Variants in CELA3A observed in about 807,000 individuals in gnomAD.
The protein encoded by CELA3A is chymotrypsin-like elastase family member 3A.
Under a neutral mutation model 38.6 loss-of-function variants are expected in CELA3A, and 35 were observed. The ratio of observed to expected loss-of-function variants is 0.91; its 90% confidence interval spans 0.69 to 1.20. The LOEUF is 1.20. CELA3A is among the 50% of genes most tolerant of loss of function. CELA3A has a pLI of 0.00. For missense variants in CELA3A, 343 were observed against 354.2 expected, an observed-to-expected ratio of 0.97 and a Z score of 0.25; for synonymous variants, 143 against 136.7, an observed-to-expected ratio of 1.05 and a Z score of -0.32.
At chr1:22,004,695 T>C (rs1283908353) in intron 2 of CELA3A, among the ~76,000 whole-genome samples, 2 of 151,752 alleles carry the variant, frequency 1.3e-5, no homozygotes, top group Non-Finnish European at 2.9e-5. Context: ...CTGGTCTAGA[T>C]GGAGCTTTTG....
chr1:22,004,066 C>CT (rs1489895757), intron 2 of CELA3A, among the ~76,000 whole-genome samples: 1 of 114,846 alleles, frequency 8.7e-6, no homozygotes, highest in Non-Finnish European at 1.7e-5. Context: ...CTTTTCTTTT[C>CT]TTTTCTTTGT....
rs1229505586 is a variant in CELA3A at position 22,005,760 on chromosome 1, T to C, written c.326T>C (p.Val109Ala). 4 of 1,612,012 alleles carry C rather than the reference T, an allele frequency of 2.5e-6. No individual in the cohort carries two copies. The highest frequency in any genetic ancestry group is 3.4e-6 in the Non-Finnish European group (4 of 1,179,474). Residue 109 changes from valine (V) to alanine (A), a missense_variant, in exon 4 of 8, where the codon GTG becomes GCG. Transcript: ENST00000290122. ...CCCATCAACTCTGAGGAGCTGTTTG[T>C]GCATCCACTCTGGAACCGCTCGTGT... ...VIPINSEELFVHPLWNRSCVA... is the reference protein window; with the variant it reads ...VIPINSEELFAHPLWNRSCVA...
chr1:22,009,147 C>A (rs1235370683), intron 6 of CELA3A, among the ~76,000 whole-genome samples: 1 of 151,194 alleles, frequency 6.6e-6, no homozygotes, highest in Non-Finnish European at 1.5e-5. Flanking sequence ...GGGCGGATCA[C>A]GTGGTCAGGA....
Position 22,009,878 on chromosome 1 carries a change from C to T in CELA3A, c.795+21C>T, listed in dbSNP as rs3806297. ...AGGAGGTGAGGAGGGCAGGGCGGCC[C>T]GGAGGGCTTTAGGGTGGTGGCTCTT... On this transcript the variant is annotated intron_variant, in intron 7 of 7. Coordinates refer to ENST00000290122, the MANE Select transcript of CELA3A (RefSeq NM_005747.5). 1.7e-4 allele frequency: 274 copies of T among 1,588,780 alleles called. 1 individual carries two copies. In the African/African-American group the frequency reaches 3.5e-3, roughly 20 times the overall value.
intron 4 of CELA3A, chr1:22,006,000 C>A (rs1644947978): frequency 8.9e-6 from 7 of 782,128 alleles, no homozygotes; most frequent in Non-Finnish European, 1.2e-5. Context: ...ACCATCACCA[C>A]CAAACCTGTC....
At chr1:22,007,271 C>G (rs963287339) in intron 5 of CELA3A, 102 bp from the exon 6 acceptor site, 1 of 1,477,886 alleles carries the variant, frequency 6.8e-7, no homozygotes, top group Non-Finnish European at 9.1e-7. Flanking sequence ...GAGGAGAGTC[C>G]TCATCAGGGC....
intron 2 of CELA3A, among the ~76,000 whole-genome samples, chr1:22,003,755 A>G (rs1569865551): frequency 6.6e-6 from 1 of 150,788 alleles, no homozygotes; most frequent in Admixed American, 6.6e-5. Context: ...GCCCAGGCTG[A>G]AGTGCAATGG....
intron 7 of CELA3A, chr1:22,011,136 C>G (rs1352157941): frequency 6.6e-6 from 1 of 151,782 alleles, no homozygotes; most frequent in South Asian, 2.1e-4. Flanking sequence ...TCCCAGCACT[C>G]TGGGAGGCCA....
chr1:22,003,170 C>T lies in CELA3A; in HGVS notation c.129+82C>T. 5 of 1,286,682 alleles carry T rather than the reference C, an allele frequency of 3.9e-6. 1 individual carries two copies. Among genetic ancestry groups the T allele is most frequent in the Non-Finnish European group, 3.3e-6 (3 of 912,366 alleles). The allele number at this position is 1,286,682 out of a possible 1,614,324, so 79.7% of individuals were successfully genotyped here. On this transcript the variant is annotated intron_variant, in intron 2 of 7. Transcript: ENST00000290122. Reference sequence around the variant, plus strand: ...AATGGCGTGGCATCCAGCCTTGACACCATTGCTCCCTTTGCAATGTCCACT... The same window carrying T: ...AATGGCGTGGCATCCAGCCTTGACATCATTGCTCCCTTTGCAATGTCCACT...
rs1644961787 is a variant in CELA3A, at chr1:22,008,061, GGAGGATTGTTT to G, written c.642+550_642+560del. 5.3e-5 allele frequency among the ~76,000 whole-genome samples: 8 copies of G among 150,770 alleles called. No homozygotes were observed. In the South Asian group the frequency reaches 1.7e-3, roughly 31 times the overall value. On this transcript the variant is annotated intron_variant, in intron 6 of 7. Coordinates refer to ENST00000290122, the MANE Select transcript of CELA3A (RefSeq NM_005747.5). ...CCCAACTACTTGATAGGCTGAGGTG[GGAGGATTGTTT>G]GAGCCTGGGAGTTCAAGCTCACAGT...
chr1:22,006,041 A>C lies in CELA3A; in HGVS notation c.362+245A>C. The C allele has an allele frequency of 5.1e-6, 3 of 587,740 alleles. No individual in the cohort carries two copies. In the East Asian group the frequency reaches 9.3e-5, roughly 18 times the overall value. The allele number at this position is 587,740 out of a possible 1,614,324, so 36.4% of individuals were successfully genotyped here. On this transcript the variant is annotated intron_variant, in intron 4 of 7. Coordinates refer to ENST00000290122, the MANE Select transcript of CELA3A (RefSeq NM_005747.5). Reference sequence around the variant, plus strand: ...ACAGAGGGGATGGCAGTGTTCAGGGAGGGGCAGGAACTCTGCCAAGGCCAC... The same window carrying C: ...ACAGAGGGGATGGCAGTGTTCAGGGCGGGGCAGGAACTCTGCCAAGGCCAC...
chr1:22,007,461 C>T lies in CELA3A; in HGVS notation c.588C>T (p.Ser196=), dbSNP rs74062237. 0.017 allele frequency: 27,927 copies of T among 1,612,462 alleles called. 1,574 individuals are homozygous for T. Among genetic ancestry groups the T allele is most frequent in the African/African-American group, 0.13 (9,315 of 74,348 alleles). ...GCTCCAGGTGGAACTGGTGGGGTTCCACCGTGAAGAAAACCATGGTGTGTG... is the reference window on the plus strand; with the variant it reads ...GCTCCAGGTGGAACTGGTGGGGTTCTACCGTGAAGAAAACCATGGTGTGTG... ...KHCSRWNWWG[S]TVKKTMVCAG... The change falls in exon 6 of 8, where the codon TCC becomes TCT. Residue 196 remains serine, a synonymous_variant. Coordinates refer to ENST00000290122, the MANE Select transcript of CELA3A (RefSeq NM_005747.5).
Position 22,003,049 on chromosome 1 carries a change from C to T in CELA3A, c.90C>T (p.Val30=). Residue 30 remains valine (V), a synonymous_variant, in exon 2 of 8, where the codon GTC becomes GTT. Transcript: ENST00000290122. The stretch of plus-strand genomic sequence containing the variant: ...CCTCTCACTCTTCCAGCCGCGTTGT[C>T]CATGGTGAGGATGCGGTCCCCTACA... ...PPSSHSSSRV[V]HGEDAVPYSW... is the part of the protein sequence containing the mutation. 6.4e-7 allele frequency: 1 copy of T among 1,572,466 alleles called. No individual in the cohort carries two copies. Among genetic ancestry groups the T allele is most frequent in the African/African-American group, 1.8e-5 (1 of 57,008 alleles).
At position 22,003,460 on chromosome 1, in the gene CELA3A, C is replaced by A. The variant is rs778770807; in HGVS notation, c.129+372C>A. ...TGAAAGCAATAAGGGAGTGAGGGAT[C>A]TTGTAAGGCCAGTGGAGGGAAGCTC... On this transcript the variant is annotated intron_variant, in intron 2 of 7. Transcript: ENST00000290122. 5.1e-4 allele frequency among the ~76,000 whole-genome samples: 77 copies of A among 150,662 alleles called. 1 individual carries two copies. The highest frequency in any genetic ancestry group is 9.9e-4 in the Non-Finnish European group (67 of 67,828).
chr1:22,006,724 AT>A (rs1644951905), intron 4 of CELA3A, among the ~76,000 whole-genome samples, 153 bp from the exon 5 acceptor site: 2 of 145,208 alleles, frequency 1.4e-5, no homozygotes, highest in Non-Finnish European at 3.0e-5. Context: ...CTCAATAATA[AT>A]AATAATAATA....
intron 6 of CELA3A, among the ~76,000 whole-genome samples, 180 bp from the exon 7 acceptor site, chr1:22,009,525 C>T (rs1476668426): frequency 2.0e-5 from 3 of 151,318 alleles, no homozygotes; most frequent in Non-Finnish European, 4.4e-5. Context: ...GCACTCCAGC[C>T]TGGACAGCAG....
rs922256408 is a variant in CELA3A, at chr1:22,003,812, T to G, written c.129+724T>G. Reference sequence around the variant, plus strand: ...ACTCTGCCACCCGGGTTCAAGCAATTCTCCTACCTCACCTCCCAAGTAGCT... The same window carrying G: ...ACTCTGCCACCCGGGTTCAAGCAATGCTCCTACCTCACCTCCCAAGTAGCT... On this transcript the variant is annotated intron_variant, in intron 2 of 7. Coordinates refer to ENST00000290122, the MANE Select transcript of CELA3A (RefSeq NM_005747.5). Among the ~76,000 whole-genome samples, 133 of 150,584 alleles carry G rather than the reference T, an allele frequency of 8.8e-4. 11 individuals are homozygous for G. The highest frequency in any genetic ancestry group is 2.7e-3 in the African/African-American group (110 of 40,688).
intron 6 of CELA3A, among the ~76,000 whole-genome samples, chr1:22,008,746 G>A (rs1160305873): frequency 6.7e-6 from 1 of 148,478 alleles, no homozygotes; most frequent in African/African-American, 2.5e-5. Flanking sequence ...GTGACAGAGC[G>A]AGACGCTGAC....
chr1:22,007,440 C>G lies in CELA3A; in HGVS notation c.567C>G (p.Ser189=). 6.2e-7 allele frequency: 1 copy of G among 1,612,626 alleles called. No homozygotes were observed. Among genetic ancestry groups the G allele is most frequent in the Non-Finnish European group, 8.5e-7 (1 of 1,179,438 alleles). Residue 189 remains serine, a synonymous_variant, in exon 6 of 8, where the codon TCC becomes TCG. Transcript: ENST00000290122. ...CCGTGGTGGACTATAAGCACTGCTC[C>G]AGGTGGAACTGGTGGGGTTCCACCG... ...RLPVVDYKHC[S]RWNWWGSTVK...
Sources: allele counts gnomAD v4.1 joint callset (sites outside exome capture counted in the v4.1 genomes callset), GRCh38; gene constraint gnomAD v4.1.1; transcripts MANE v1.5; gene names NCBI Gene and HGNC (gene_info 2026-07-23, HGNC 2026-07-21).